JHY: variants seen among roughly 807,000 people sequenced by gnomAD.
The protein encoded by JHY is jhy protein homolog.
JHY carries 69 observed loss-of-function variants against 78.0 expected under a neutral mutation model. The observed-to-expected ratio is 0.88, with a 90% confidence interval of 0.73 to 1.08. The LOEUF (loss-of-function observed/expected upper bound fraction) is 1.08. Ranked by LOEUF, JHY falls within the 50% of genes least tolerant of loss-of-function variation. The pLI is 0.00. For synonymous variants in JHY, 368 were observed against 342.6 expected (o/e 1.07, Z -0.82); for missense variants, 944 against 927.8 (o/e 1.02, Z -0.23).
intron 5 of JHY, among the ~76,000 whole-genome samples, chr11:122,938,958 A>G (rs982398748): frequency 8.0e-5 from 12 of 150,576 alleles, no homozygotes; most frequent in Non-Finnish European, 1.6e-4. Flanking sequence ...AAAATGGAGA[A>G]GATGATCTGG....
chr11:122,890,005 C>T (rs545644484), intron 2 of JHY, among the ~76,000 whole-genome samples: 23 of 151,998 alleles, frequency 1.5e-4, no homozygotes, highest in Non-Finnish European at 3.1e-4. Context: ...CCTCGGCCTC[C>T]CAAAGTGCTA....
At chr11:122,942,849 C>T (rs1288130261) in intron 5 of JHY, among the ~76,000 whole-genome samples, 2 of 151,956 alleles carry the variant, frequency 1.3e-5, no homozygotes, top group Non-Finnish European at 2.9e-5. Flanking sequence ...TAAAATGTAG[C>T]ATTTTTATTA....
At chr11:122,958,600 C>T (rs1381027964) in intron 8 of JHY, 2 of 375,328 alleles carry the variant, frequency 5.3e-6, no homozygotes, top group Admixed American at 1.3e-4. Context: ...TGTATTTCAG[C>T]TATCAACAAC....
chr11:122,886,723 C>T (rs1862504880), intron 2 of JHY, among the ~76,000 whole-genome samples: 1 of 152,194 alleles, frequency 6.6e-6, no homozygotes, highest in South Asian at 2.1e-4. Flanking sequence ...GCTATGATTA[C>T]AGGCATAAGC....
At position 122,903,955 on chromosome 11, in the gene JHY, C is replaced by T. The variant is rs145415880; in HGVS notation, c.375C>T (p.Asp125=). 2.5e-6 allele frequency: 4 copies of T among 1,606,432 alleles called. No homozygotes were observed. In the African/African-American group the frequency reaches 5.4e-5, roughly 22 times the overall value. ...AACCAATAGAAGACAAATATTCAGA[C>T]CTCCGCTATGACCCGAACTGGAAGA... ...RQQPIEDKYS[D]LRYDPNWKSK... is the part of the protein sequence containing the mutation. The change falls in exon 3 of 9, where the codon GAC becomes GAT. Residue 125 remains aspartate (D), a synonymous_variant. Transcript: ENST00000227349.
intron 8 of JHY, 145 bp downstream of exon 8, chr11:122,957,636 C>A: frequency 2.5e-6 from 2 of 811,694 alleles, no homozygotes; most frequent in Non-Finnish European, 3.5e-6. Context: ...CTCAAGCTAT[C>A]CTCCAAACTA....
chr11:122,939,775 G>A (rs1473381288), intron 5 of JHY, among the ~76,000 whole-genome samples: 4 of 152,012 alleles, frequency 2.6e-5, no homozygotes, highest in Admixed American at 1.3e-4. Context: ...TCATTTGAAA[G>A]CAAGTTCAGA....
Position 122,959,381 on chromosome 11 carries a change from T to A in JHY, c.2273T>A (p.Leu758Gln). 6.2e-7 allele frequency: 1 copy of A among 1,614,194 alleles called. No individual in the cohort carries two copies. The highest frequency in any genetic ancestry group is 8.5e-7 in the Non-Finnish European group (1 of 1,180,018). The change falls in exon 9 of 9, where the codon CTG (leucine) becomes CAG (glutamine). Residue 758 changes from leucine (L) to glutamine (Q), a missense_variant. Physicochemically the swap from Leu to Gln is moderately radical, Grantham distance 113. Coordinates refer to ENST00000227349, the MANE Select transcript of JHY (RefSeq NM_024806.4). Reference protein sequence around the residue: ...SLPEISLLEILQNRHEREKQA... With the variant: ...SLPEISLLEIQQNRHEREKQA... ...CCTGAAATCTCACTGCTGGAAATAC[T>A]GCAGAACAGACACGAAAGGGAAAAA...
Position 122,960,492 on chromosome 11 carries a change from G to A in JHY, c.*1047G>A, listed in dbSNP as rs1483581847. On this transcript the variant is annotated 3_prime_UTR_variant, in exon 9 of 9. Transcript: ENST00000227349. ...TCCTTCCTTTTCCTATAGAGGAAAA[G>A]TTCGTTTTGGGCTGATCCCTGAGGA... 8.7e-6 allele frequency: 2 copies of A among 230,474 alleles called. No homozygotes were observed. The highest frequency in any genetic ancestry group is 1.8e-5 in the Non-Finnish European group (2 of 109,256). 14.3% of individuals were successfully genotyped at this position (230,474 alleles called of 1,614,324 possible).
intron 2 of JHY, among the ~76,000 whole-genome samples, chr11:122,903,256 CATT>C (rs1862901901): frequency 3.9e-5 from 6 of 152,196 alleles, no homozygotes; most frequent in Admixed American, 3.9e-4. Context: ...AATACTGAGT[CATT>C]GTTGGTGTAC....
chr11:122,950,070 A>T (rs770227816), intron 6 of JHY, among the ~76,000 whole-genome samples: 1 of 151,880 alleles, frequency 6.6e-6, no homozygotes. Context: ...CTGACCTCAG[A>T]TGATCCACCT....
chr11:122,889,898 A>AC (rs1024914071), intron 2 of JHY, among the ~76,000 whole-genome samples: 24 of 152,076 alleles, frequency 1.6e-4, no homozygotes, highest in Non-Finnish European at 1.0e-4. Context: ...AGCGTGCGCC[A>AC]CAATGCTCGG....
chr11:122,934,718 C>A lies in JHY; in HGVS notation c.1277C>A (p.Ala426Asp), dbSNP rs543957764. The A allele has an allele frequency of 6.2e-7, 1 of 1,614,132 alleles. No individual in the cohort carries two copies. The highest frequency in any genetic ancestry group is 2.2e-5 in the East Asian group (1 of 44,878). ...CATGCCTCTAACAATGATGTACAAG[C>A]CTCAAGGGCACTTAGAAGCCACAAT... is the stretch of plus-strand genomic sequence containing the variant. ...IMHASNNDVQ[A>D]SRALRSHNLK... The change falls in exon 5 of 9, where the codon GCC (alanine) becomes GAC (aspartate). Residue 426 changes from alanine to aspartate, a missense_variant. Transcript: ENST00000227349.
intron 3 of JHY, among the ~76,000 whole-genome samples, chr11:122,908,425 A>G (rs923388245): frequency 1.3e-5 from 2 of 152,212 alleles, no homozygotes; most frequent in Admixed American, 1.3e-4. Flanking sequence ...GTGAAAATAC[A>G]GATTGTGATC....
chr11:122,914,264 A>C (rs1863189666), intron 3 of JHY, among the ~76,000 whole-genome samples: 1 of 152,142 alleles, frequency 6.6e-6, no homozygotes, highest in South Asian at 2.1e-4. Context: ...CCTAAAGGAT[A>C]TATTGCTCTT....
intron 4 of JHY, chr11:122,926,896 C>T (rs1464475909): frequency 6.6e-6 from 1 of 152,158 alleles, no homozygotes; most frequent in Non-Finnish European, 1.5e-5. Flanking sequence ...ATTCTATGAC[C>T]ATGCATTTCT....
At chr11:122,912,260 C>G (rs1863145856) in intron 3 of JHY, among the ~76,000 whole-genome samples, 1 of 147,216 alleles carries the variant, frequency 6.8e-6, no homozygotes, top group South Asian at 2.1e-4. Flanking sequence ...GCACTCCAGC[C>G]TAGGTGACAG....
chr11:122,958,757 A>G (rs1469432741), intron 8 of JHY: 2 of 985,190 alleles, frequency 2.0e-6, no homozygotes, highest in African/African-American at 3.5e-5. Context: ...AAAGAAAAAA[A>G]TTTCAACCTC....
chr11:122,926,956 C>T (rs1023425290), intron 4 of JHY: 3 of 152,282 alleles, frequency 2.0e-5, no homozygotes, highest in East Asian at 1.9e-4. Context: ...GTAAGATTAT[C>T]GCAACCTGTA....
Sources: gnomAD v4.1 joint callset for allele counts (sites outside exome capture counted in the v4.1 genomes callset) on GRCh38, gnomAD v4.1.1 for gene constraint, MANE v1.5 for transcripts, NCBI Gene and HGNC (gene_info 2026-07-23, HGNC 2026-07-21) for gene names.